Variants in CDC14B observed in about 807,000 individuals in gnomAD.
CDC14B encodes the protein dual specificity protein phosphatase CDC14B.
In CDC14B, 22 loss-of-function variants were observed where a neutral mutation model predicts 64.2. The ratio of observed to expected loss-of-function variants is 0.34; its 90% CI spans 0.24 to 0.49. CDC14B has a LOEUF of 0.49. Ranked by LOEUF, CDC14B falls within the 20% of genes least tolerant of loss-of-function variation. The pLI is 0.99. For missense variants in CDC14B, 498 were observed against 629.9 expected, an observed-to-expected ratio of 0.79 and a Z score of 2.24; for synonymous variants, 191 against 215.8, an observed-to-expected ratio of 0.89 and a Z score of 1.01.
rs569498143 is a variant in CDC14B at position 96,522,423 on chromosome 9, A to G, written c.1343+83T>C. On this transcript the variant is annotated intron_variant, in intron 12 of 13. Coordinates refer to ENST00000375241, the MANE Select transcript of CDC14B (RefSeq NM_033331.4). ...GCATCATGGGCTTGCAACTATGGAG[A>G]AAAATGTACAGGAAAAACCCTCACC... 22 of 914,090 alleles carry G rather than the reference A, an allele frequency of 2.4e-5. 1 individual carries two copies. In the East Asian group the frequency reaches 5.3e-4, roughly 22 times the overall value. The allele number at this position is 914,090 out of a possible 1,614,324, so 56.6% of individuals were successfully genotyped here.
At chr9:96,576,211 C>T (rs545563901) in intron 1 of CDC14B, among the ~76,000 whole-genome samples, 5 of 152,084 alleles carry the variant, frequency 3.3e-5, no homozygotes, top group Non-Finnish European at 5.9e-5. Flanking sequence ...ACCCAGGAGA[C>T]GGAGGTTGCA....
intron 3 of CDC14B, among the ~76,000 whole-genome samples, chr9:96,564,268 T>C (rs1397392248): frequency 6.6e-6 from 1 of 152,210 alleles, no homozygotes; most frequent in Non-Finnish European, 1.5e-5. Context: ...ACAGCCTTAA[T>C]GACATGCTTA....
At chr9:96,543,393 C>G (rs532246774) in intron 5 of CDC14B, among the ~76,000 whole-genome samples, 2 of 151,864 alleles carry the variant, frequency 1.3e-5, no homozygotes, top group African/African-American at 4.8e-5. Flanking sequence ...TTTGGCCTCC[C>G]GAAGTGTTGA....
At chr9:96,551,771 T>A (rs1841880684) in intron 5 of CDC14B, 25 bp downstream of exon 5, 1 of 1,601,338 alleles carries the variant, frequency 6.2e-7, no homozygotes, top group African/African-American at 1.3e-5. Flanking sequence ...ATTACCTGAA[T>A]CTACCACATC....
chr9:96,523,851 T>A, intron 9 of CDC14B, 126 bp from the exon 10 acceptor site: 1 of 915,292 alleles, frequency 1.1e-6, no homozygotes, highest in Non-Finnish European at 1.7e-6. Flanking sequence ...TTCTCAAGGC[T>A]GGTTACACTC....
rs537418649 is a variant in CDC14B, at chr9:96,503,688, G to C, written c.*65C>G. 1.4e-6 allele frequency: 2 copies of C among 1,414,626 alleles called. No individual in the cohort carries two copies. The highest frequency in any genetic ancestry group is 2.9e-5 in the African/African-American group (2 of 69,890). 87.6% of individuals were successfully genotyped at this position (1,414,626 alleles called of 1,614,324 possible). ...TGCAATTTTGTTTTGTTTTCAAATT[G>C]TGCTAATTTCTGTTGCAGTTTTCAG... On this transcript the variant is annotated 3_prime_UTR_variant, in exon 14 of 14. Coordinates refer to ENST00000375241, the MANE Select transcript of CDC14B (RefSeq NM_033331.4).
At chr9:96,603,794 A>G (rs1002969636) in intron 1 of CDC14B, among the ~76,000 whole-genome samples, 3 of 152,186 alleles carry the variant, frequency 2.0e-5, no homozygotes, top group African/African-American at 7.2e-5. Context: ...ATTTTAATAA[A>G]GAGAGGAAAG....
At chr9:96,505,978 A>G (rs1320624617) in intron 13 of CDC14B, among the ~76,000 whole-genome samples, 1 of 152,330 alleles carries the variant, frequency 6.6e-6, no homozygotes, top group East Asian at 1.9e-4. Context: ...AAAGTTCCCC[A>G]AAGCTGAAGA....
At chr9:96,599,876 C>T (rs1343630671) in intron 1 of CDC14B, among the ~76,000 whole-genome samples, 1 of 151,984 alleles carries the variant, frequency 6.6e-6, no homozygotes, top group Non-Finnish European at 1.5e-5. Context: ...GGACTACAGG[C>T]GCATGCCACC....
At chr9:96,603,686 T>C (rs540866245) in intron 1 of CDC14B, among the ~76,000 whole-genome samples, 175 of 152,356 alleles carry the variant, frequency 1.1e-3, no homozygotes, top group African/African-American at 3.9e-3. Context: ...CATGTTAAAT[T>C]CCACTTCTTA....
At chr9:96,585,940 G>A (rs1263382064) in intron 1 of CDC14B, among the ~76,000 whole-genome samples, 1 of 152,200 alleles carries the variant, frequency 6.6e-6, no homozygotes, top group African/African-American at 2.4e-5. Flanking sequence ...ATGAAGTACT[G>A]ATACACAAAA....
At chr9:96,605,726 G>C (rs1019412120) in intron 1 of CDC14B, among the ~76,000 whole-genome samples, 3 of 152,120 alleles carry the variant, frequency 2.0e-5, no homozygotes, top group African/African-American at 4.8e-5. Context: ...CCAGGGGCAG[G>C]GGCTCATGCC....
chr9:96,494,408 C>A (rs1833164295), intron 13 of CDC14B, among the ~76,000 whole-genome samples: 2 of 152,228 alleles, frequency 1.3e-5, no homozygotes, highest in South Asian at 4.1e-4. Flanking sequence ...TGCAGCAGTG[C>A]AGAGGGCCCA....
At chr9:96,619,105 G>T in intron 1 of CDC14B, 114 bp downstream of exon 1, 1 of 797,006 alleles carries the variant, frequency 1.3e-6, no homozygotes, top group Non-Finnish European at 1.7e-6. Context: ...GGGTGGGGGC[G>T]AAGGCATTTC....
intron 1 of CDC14B, among the ~76,000 whole-genome samples, chr9:96,589,588 G>GA (rs1473731422): frequency 6.6e-6 from 1 of 152,070 alleles, no homozygotes; most frequent in Non-Finnish European, 1.5e-5. Context: ...TGTAATTTAG[G>GA]AAAGAATAGC....
At chr9:96,496,482 C>T (rs1018624799), downstream of CDC14B, 2 of 403,198 alleles carry the variant, frequency 5.0e-6, no homozygotes, top group South Asian at 3.7e-5. Context: ...TAACTCTCAA[C>T]CGCAAGGCAA....
At chr9:96,522,696 C>G in intron 11 of CDC14B, 93 bp from the exon 12 acceptor site, 1 of 768,928 alleles carries the variant, frequency 1.3e-6, no homozygotes, top group South Asian at 1.5e-5. Context: ...GAACACAGTC[C>G]AAGTTTCTGC....
intron 6 of CDC14B, among the ~76,000 whole-genome samples, chr9:96,539,959 C>T (rs1221809293): frequency 6.6e-6 from 1 of 152,074 alleles, no homozygotes; most frequent in Non-Finnish European, 1.5e-5. Flanking sequence ...TTTTGTACAC[C>T]CAGTTTTCAA....
chr9:96,529,064 G>A lies in CDC14B; in HGVS notation c.946+4863C>T, dbSNP rs148735896. 2.3e-3 allele frequency among the ~76,000 whole-genome samples: 351 copies of A among 152,272 alleles called. 4 individuals carry two copies. Among genetic ancestry groups the A allele is most frequent in the African/African-American group, 8.0e-3 (331 of 41,564 alleles). ...GGGTTACCTTGTTACTCTGCTGATA[G>A]TATACTTTGATGCACAAAAGTTTTA... On this transcript the variant is annotated intron_variant, in intron 9 of 13. Transcript: ENST00000375241.
Sources: gnomAD v4.1 joint callset for allele counts (sites outside exome capture counted in the v4.1 genomes callset) on GRCh38, gnomAD v4.1.1 for gene constraint, MANE v1.5 for transcripts, NCBI Gene and HGNC (gene_info 2026-07-23, HGNC 2026-07-21) for gene names.